The following ASH1L variants were observed in gnomAD, a reference collection of about 807,000 sequenced individuals.
ASH1L encodes histone-lysine N-methyltransferase ASH1L.
Under a neutral mutation model 269.0 loss-of-function variants are expected in ASH1L, and 23 were observed. That is an observed-to-expected ratio of 0.09 (90% confidence interval 0.06 to 0.12). ASH1L has a LOEUF of 0.12. Among genes scored for constraint, ASH1L ranks in the 10% least tolerant of loss-of-function variants. ASH1L has a pLI of 1.00. For synonymous variants in ASH1L, 1,187 were observed against 1,253.5 expected (o/e 0.95, Z 1.12); for missense variants, 2,912 against 3,567.8 (o/e 0.82, Z 4.68).
At position 155,478,305 on chromosome 1, in the gene ASH1L, T is replaced by A; in HGVS notation, c.4565A>T (p.Asp1522Val). ...ESLKRYRFGK[D>V]AVGERYKHKE... ...ATGCTTATATCGCTCTCCAACAGCA[T>A]CCTTTCCAAATCTATAGCGCTTCAA... Residue 1522 changes from aspartate (D) to valine (V), a missense_variant, in exon 3 of 28, where the codon GAT (aspartate) becomes GTT (valine). Asp to Val is a radical substitution (Grantham distance 152). Transcript: ENST00000392403. The surrounding 1 kb of genome is among the most constrained non-coding windows in gnomAD (Gnocchi z 4.6). 1 of 1,614,128 alleles carries A rather than the reference T, an allele frequency of 6.2e-7. No homozygotes were observed.
chr1:155,454,690 C>T (rs753193253), intron 4 of ASH1L, among the ~76,000 whole-genome samples: 19 of 152,104 alleles, frequency 1.2e-4, no homozygotes, highest in Non-Finnish European at 2.2e-4. Flanking sequence ...ATCGCATGAA[C>T]CTGGGAGGTG....
intron 5 of ASH1L, among the ~76,000 whole-genome samples, chr1:155,423,153 T>C (rs923228008): frequency 2.0e-5 from 3 of 151,516 alleles, no homozygotes; most frequent in African/African-American, 4.8e-5. Context: ...TTCGTCATGC[T>C]GGCCAGGCTG....
chr1:155,555,057 C>T (rs536253250), intron 1 of ASH1L, among the ~76,000 whole-genome samples: 33 of 149,746 alleles, frequency 2.2e-4, no homozygotes, highest in African/African-American at 7.6e-4. Context: ...ACAGGAGAAT[C>T]GCTTGAACTC....
chr1:155,531,102 G>C (rs1189195648), intron 1 of ASH1L, among the ~76,000 whole-genome samples: 2 of 151,702 alleles, frequency 1.3e-5, no homozygotes, highest in African/African-American at 4.8e-5. Flanking sequence ...ACACTGGAGT[G>C]AGCTAGAATC....
intron 1 of ASH1L, among the ~76,000 whole-genome samples, chr1:155,546,945 CTTTTTTTTTTTT>C (rs71080709): frequency 2.3e-5 from 2 of 88,160 alleles, no homozygotes; most frequent in African/African-American, 9.4e-5. Context: ...TCATCACATT[CTTTTTTTTTTTT>C]TTTTTTTTTT....
intron 5 of ASH1L, among the ~76,000 whole-genome samples, chr1:155,425,025 A>G (rs1050346652): frequency 6.6e-6 from 1 of 151,468 alleles, no homozygotes; most frequent in African/African-American, 2.4e-5. Context: ...GCTGGAGTGC[A>G]TTGGAGCAAC....
chr1:155,457,675 T>C (rs1470835402), intron 4 of ASH1L, among the ~76,000 whole-genome samples: 2 of 152,232 alleles, frequency 1.3e-5, no homozygotes, highest in African/African-American at 2.4e-5. Context: ...GTCTGAATTA[T>C]TGAGGGCAGT....
At chr1:155,377,945 C>T (rs1656600935) in intron 10 of ASH1L, among the ~76,000 whole-genome samples, 2 of 151,916 alleles carry the variant, frequency 1.3e-5, no homozygotes, top group South Asian at 4.2e-4. Context: ...ATGGTGTGAA[C>T]CCGGGAGGCG....
At chr1:155,387,683 T>C (rs374486846) in intron 7 of ASH1L, among the ~76,000 whole-genome samples, 1 of 152,182 alleles carries the variant, frequency 6.6e-6, no homozygotes, top group African/African-American at 2.4e-5. Flanking sequence ...AGAATTTCAA[T>C]GGTAGTTTAA....
intron 1 of ASH1L, among the ~76,000 whole-genome samples, chr1:155,546,520 G>C (rs1670836854): frequency 1.3e-5 from 2 of 152,036 alleles, no homozygotes. Flanking sequence ...CAGCACTTTG[G>C]GAGGCCGAGG....
chr1:155,455,034 T>C (rs1209126933), intron 4 of ASH1L, among the ~76,000 whole-genome samples: 1 of 152,172 alleles, frequency 6.6e-6, no homozygotes, highest in South Asian at 2.1e-4. Context: ...TGAAACACTA[T>C]TGAAGGGATT....
intron 8 of ASH1L, 54 bp from the exon 9 acceptor site, chr1:155,378,602 G>T: frequency 1.4e-6 from 2 of 1,392,540 alleles, no homozygotes; most frequent in Non-Finnish European, 2.0e-6. Flanking sequence ...AATGCCAGAC[G>T]GCAGCATCAA....
At chr1:155,557,335 T>TCACTGCAAGCTCC (rs1320480066) in intron 1 of ASH1L, among the ~76,000 whole-genome samples, 2 of 152,042 alleles carry the variant, frequency 1.3e-5, no homozygotes, top group African/African-American at 4.8e-5. Context: ...CAGTCTTGGC[T>TCACTGCAAGCTCC]CACTGCAAGC....
chr1:155,339,212 C>A (rs574154438), intron 26 of ASH1L, 116 bp downstream of exon 26: 2 of 920,418 alleles, frequency 2.2e-6, no homozygotes, highest in Middle Eastern at 2.2e-4. Context: ...CTGGGCTACT[C>A]TGCAGAGAAT....
chr1:155,352,603 G>A, intron 17 of ASH1L, 103 bp downstream of exon 17: 2 of 1,227,158 alleles, frequency 1.6e-6, no homozygotes. Context: ...CCAGGAGTCT[G>A]AGACTAGCCT....
chr1:155,481,546 T>C lies in ASH1L; in HGVS notation c.1324A>G (p.Thr442Ala), dbSNP rs767733447. Residue 442 changes from threonine to alanine, a missense_variant, in exon 3 of 28, where the codon ACA becomes GCA. Coordinates refer to ENST00000392403, the MANE Select transcript of ASH1L (RefSeq NM_018489.3). The stretch of plus-strand genomic sequence containing the variant: ...TGACTTTCCTGATTATTGATGTTTG[T>C]ACTACAAGAAGCCTTAAGCGGTTCC... Reference protein sequence around the residue: ...TQEPLKASCSTNINNQESQEL... With the variant: ...TQEPLKASCSANINNQESQEL... 5 of 1,614,226 alleles carry C rather than the reference T, an allele frequency of 3.1e-6. No homozygotes were observed. In the Admixed American group the frequency reaches 6.7e-5, roughly 22 times the overall value.
chr1:155,451,430 T>G (rs1480268821), intron 4 of ASH1L, among the ~76,000 whole-genome samples: 1 of 152,134 alleles, frequency 6.6e-6, no homozygotes, highest in South Asian at 2.1e-4. Flanking sequence ...ATAATGTAAA[T>G]GTACTTAACA....
intron 1 of ASH1L, among the ~76,000 whole-genome samples, chr1:155,521,879 G>A (rs549001075): frequency 8.5e-5 from 13 of 152,236 alleles, no homozygotes; most frequent in Non-Finnish European, 1.8e-4. Context: ...TCACCAAGAA[G>A]CTTCTGAAAC....
intron 3 of ASH1L, among the ~76,000 whole-genome samples, chr1:155,461,587 G>A (rs553270866): frequency 1.3e-5 from 2 of 152,006 alleles, no homozygotes; most frequent in East Asian, 3.9e-4. Flanking sequence ...ACTGAATGTC[G>A]CAATGAAACA....
Sources: gnomAD v4.1 joint callset for allele counts (sites outside exome capture counted in the v4.1 genomes callset) on GRCh38, gnomAD v4.1.1 for gene constraint, Gnocchi (gnomAD v3.1) non-coding constraint, MANE v1.5 for transcripts, NCBI Gene and HGNC (gene_info 2026-07-23, HGNC 2026-07-21) for gene names.